Variants in KCNH5 observed in about 807,000 individuals in gnomAD.
KCNH5 encodes the protein voltage-gated delayed rectifier potassium channel KCNH5.
Under a neutral mutation model 96.1 loss-of-function variants are expected in KCNH5, and 46 were observed. The observed-to-expected ratio is 0.48, with a 90% CI of 0.38 to 0.61. The LOEUF (loss-of-function observed/expected upper bound fraction) is 0.61. Among genes scored for constraint, KCNH5 ranks in the 20% least tolerant of loss-of-function variants. The probability of loss-of-function intolerance (pLI) is 0.00; values close to 1 mark genes in which losing one functional copy is unlikely to be tolerated. For synonymous variants in KCNH5, 439 were observed against 449.8 expected, an observed-to-expected ratio of 0.98 and a Z score of 0.30; for missense variants, 907 against 1,225.8, an observed-to-expected ratio of 0.74 and a Z score of 3.88.
intron 10 of KCNH5, among the ~76,000 whole-genome samples, chr14:62,770,357 C>T (rs1159925081): frequency 4.6e-5 from 7 of 152,326 alleles, no homozygotes; most frequent in Admixed American, 3.3e-4. Flanking sequence ...TGAACGTTTT[C>T]TGGAAAGAAA....
chr14:62,712,843 G>A, intron 10 of KCNH5: 1 of 676,394 alleles, frequency 1.5e-6, no homozygotes, highest in Non-Finnish European at 2.7e-6. Context: ...AGAGCCAGTA[G>A]GCTTAAACAC....
At chr14:62,765,100 T>C (rs1885831743) in intron 10 of KCNH5, among the ~76,000 whole-genome samples, 1 of 152,162 alleles carries the variant, frequency 6.6e-6, no homozygotes, top group Non-Finnish European at 1.5e-5. Flanking sequence ...GCTGGAGGAA[T>C]CGCACTACCT....
chr14:63,012,502 T>C (rs1041148222), intron 2 of KCNH5, among the ~76,000 whole-genome samples: 4 of 152,182 alleles, frequency 2.6e-5, no homozygotes, highest in South Asian at 2.1e-4. Context: ...AACAGTCTTA[T>C]AGCAGTTAAT....
intron 6 of KCNH5, among the ~76,000 whole-genome samples, chr14:62,967,339 C>T (rs1890323769): frequency 6.6e-6 from 1 of 151,966 alleles, no homozygotes; most frequent in South Asian, 2.1e-4. Flanking sequence ...TCCTCTGCCT[C>T]CCTGAGTGCT....
At chr14:62,729,119 C>T (rs1483202374) in intron 10 of KCNH5, among the ~76,000 whole-genome samples, 1 of 152,214 alleles carries the variant, frequency 6.6e-6, no homozygotes, top group East Asian at 1.9e-4. Flanking sequence ...TCTCCTAGCT[C>T]ATATGCTAGT....
At chr14:62,724,725 T>C (rs899148515) in intron 10 of KCNH5, among the ~76,000 whole-genome samples, 1 of 152,258 alleles carries the variant, frequency 6.6e-6, no homozygotes, top group Non-Finnish European at 1.5e-5. Flanking sequence ...AATTGACCTG[T>C]AGTGTCTAGA....
chr14:62,957,992 A>G (rs1291781439), intron 6 of KCNH5, among the ~76,000 whole-genome samples: 1 of 152,218 alleles, frequency 6.6e-6, no homozygotes, highest in East Asian at 1.9e-4. Flanking sequence ...ATAACTGATA[A>G]AAATGTAAGA....
At chr14:62,982,681 C>A (rs903584482) in intron 5 of KCNH5, among the ~76,000 whole-genome samples, 3 of 152,094 alleles carry the variant, frequency 2.0e-5, no homozygotes, top group African/African-American at 7.2e-5. Flanking sequence ...TCCTAAAGTT[C>A]CTCTCATATA....
chr14:62,891,605 C>T (rs1395450074), intron 7 of KCNH5, among the ~76,000 whole-genome samples: 1 of 152,020 alleles, frequency 6.6e-6, no homozygotes, highest in Non-Finnish European at 1.5e-5. Flanking sequence ...AATCCTATAA[C>T]CCTATATAGG....
At chr14:62,934,187 A>G (rs941387685) in intron 7 of KCNH5, among the ~76,000 whole-genome samples, 4 of 149,042 alleles carry the variant, frequency 2.7e-5, no homozygotes, top group African/African-American at 1.0e-4. Context: ...GCTGGAGTGC[A>G]GTGGCATGAT....
chr14:62,707,789 G>A lies in KCNH5; in HGVS notation c.2686C>T (p.His896Tyr), dbSNP rs758357872. The change falls in exon 11 of 11, where the codon CAC becomes TAC. Residue 896 changes from histidine (H) to tyrosine (Y), a missense_variant. His to Tyr is a moderately conservative substitution (Grantham distance 83, BLOSUM62 2). This residue lies in a region of KCNH5 where 362 missense variants were observed against 394.4 expected (regional missense o/e 0.92). Transcript: ENST00000322893. Reference sequence around the variant, plus strand: ...TGCTCGGGGATGGGATAAAAGGGGTGCTTGGCATCAGCCTGGATGGGACTG... The same window carrying A: ...TGCTCGGGGATGGGATAAAAGGGGTACTTGGCATCAGCCTGGATGGGACTG... ...EHSPIQADAK[H>Y]PFYPIPEQAL... 1.2e-6 allele frequency: 2 copies of A among 1,614,046 alleles called. No individual in the cohort carries two copies. Among genetic ancestry groups the A allele is most frequent in the African/African-American group, 1.3e-5 (1 of 74,914 alleles).
intron 8 of KCNH5, among the ~76,000 whole-genome samples, chr14:62,818,649 T>C (rs1053361914): frequency 3.9e-5 from 6 of 152,092 alleles, no homozygotes; most frequent in African/African-American, 1.4e-4. Flanking sequence ...CTATAACCCA[T>C]CAAACCACGT....
In KCNH5 at chr14:62,705,686, G is replaced by A. The variant is rs926041075; in HGVS notation, c.*1822C>T. 1 of 151,978 alleles carries A rather than the reference G, an allele frequency of 6.6e-6. No individual in the cohort carries two copies. Among genetic ancestry groups the A allele is most frequent in the Admixed American group, 6.6e-5 (1 of 15,262 alleles). 9.4% of individuals were successfully genotyped at this position (151,978 alleles called of 1,614,324 possible). The stretch of plus-strand genomic sequence containing the variant: ...TCTTGTGGGCATGTGAAGTTCAATA[G>A]AAATTCTAAAATAGCAACTGTTTTT... On this transcript the variant is annotated 3_prime_UTR_variant, in exon 11 of 11. Transcript: ENST00000322893.
In KCNH5 at chr14:62,799,691, TTATATATATATATATATA is replaced by T. The variant is rs71410693; in HGVS notation, c.1822+2620_1822+2637del. The stretch of plus-strand genomic sequence containing the variant: ...ATATATCTTTTCTATGTATATACCT[TTATATATATATATATATA>T]TATATATATATATATATACACACAC... On this transcript the variant is annotated intron_variant, in intron 9 of 10. Transcript: ENST00000322893. Among the ~76,000 whole-genome samples, 110 of 58,018 alleles carry T rather than the reference TTATATATATATATATATA, an allele frequency of 1.9e-3. 2 individuals carry two copies. Among genetic ancestry groups the T allele is most frequent in the South Asian group, 3.5e-3 (4 of 1,150 alleles). 38.1% of individuals were successfully genotyped at this position (58,018 alleles called of 152,430 possible).
chr14:62,918,187 A>C (rs1486257094), intron 7 of KCNH5, among the ~76,000 whole-genome samples: 3 of 152,180 alleles, frequency 2.0e-5, no homozygotes, highest in Non-Finnish European at 2.9e-5. Flanking sequence ...TAAATAAGAA[A>C]GTGTTTGTGG....
chr14:62,799,573 CAAA>C (rs5809173), intron 9 of KCNH5, among the ~76,000 whole-genome samples: 2 of 52,648 alleles, frequency 3.8e-5, no homozygotes, highest in East Asian at 5.4e-4. Flanking sequence ...AACTCCGTCT[CAAA>C]AAAAAAAAAA....
intron 9 of KCNH5, among the ~76,000 whole-genome samples, chr14:62,796,026 G>A (rs1392037347): frequency 1.3e-5 from 2 of 152,068 alleles, no homozygotes; most frequent in Non-Finnish European, 1.5e-5. Context: ...GTGAGAATAG[G>A]GTAGGGATAG....
chr14:62,821,584 A>C (rs8020283), intron 8 of KCNH5, among the ~76,000 whole-genome samples: 4,540 of 152,212 alleles, frequency 0.03, 183 homozygotes, highest in African/African-American at 0.094. Context: ...CCCTAACTTG[A>C]ATTTTAGTTT....
At chr14:62,889,083 G>A (rs1028680368) in intron 7 of KCNH5, among the ~76,000 whole-genome samples, 1 of 152,206 alleles carries the variant, frequency 6.6e-6, no homozygotes, top group East Asian at 1.9e-4. Flanking sequence ...GTGGCTGGAT[G>A]TGCATGAGCT....
Sources: gnomAD v4.1 joint callset for allele counts (sites outside exome capture counted in the v4.1 genomes callset) on GRCh38, gnomAD v4.1.1 for gene constraint, gnomAD v4.1.1 regional missense constraint, MANE v1.5 for transcripts, NCBI Gene and HGNC (gene_info 2026-07-23, HGNC 2026-07-21) for gene names.